The following UBR4 variants were observed in gnomAD, a reference collection of about 807,000 sequenced individuals.
UBR4 encodes ubiquitin protein ligase E3 component n-recognin 4.
In UBR4, 124 loss-of-function variants were observed where a neutral mutation model predicts 575.6. That is an observed-to-expected ratio of 0.22 (90% CI 0.19 to 0.25). UBR4 has a LOEUF of 0.25. Among genes scored for constraint, UBR4 ranks in the 10% least tolerant of loss-of-function variants. The pLI is 1.00. For synonymous variants in UBR4, 2,455 were observed against 2,473.7 expected (o/e 0.99, Z 0.22); for missense variants, 4,818 against 6,478.8 (o/e 0.74, Z 8.80).
At chr1:19,131,075 A>AT (rs1170100262) in intron 60 of UBR4, among the ~76,000 whole-genome samples, 1 of 151,722 alleles carries the variant, frequency 6.6e-6, no homozygotes, top group Non-Finnish European at 1.5e-5. Flanking sequence ...TGCCAGGCTA[A>AT]TTTTTTTATT....
chr1:19,143,261 AG>A (rs2084292707), intron 55 of UBR4, among the ~76,000 whole-genome samples: 2 of 35,804 alleles, frequency 5.6e-5, no homozygotes, highest in African/African-American at 1.9e-4. Context: ...GAAGGAAGGA[AG>A]AAAGAAAGAA....
intron 8 of UBR4, among the ~76,000 whole-genome samples, chr1:19,195,112 A>C (rs984839200): frequency 4.6e-5 from 7 of 151,386 alleles, no homozygotes; most frequent in Non-Finnish European, 7.4e-5. Flanking sequence ...TACAAAAAAA[A>C]AAATTAGCCG....
chr1:19,101,538 G>T lies in UBR4; in HGVS notation c.13005C>A (p.Leu4335=). 6.2e-7 allele frequency: 1 copy of T among 1,613,686 alleles called. No homozygotes were observed. ...YRTPVFIFER[L]CSIIYPEENE... ...TGCTTACAGGATAAATGATGCTGCA[G>T]AGCCTCTCGAAGATGAACACCGGGG... is the stretch of plus-strand genomic sequence containing the variant. Residue 4335 remains leucine (L), a synonymous_variant, in exon 88 of 106, where the codon CTC becomes CTA. Transcript: ENST00000375254.
chr1:19,129,110 G>A (rs2082137823), intron 60 of UBR4, 36 bp from the exon 61 acceptor site: 4 of 1,578,176 alleles, frequency 2.5e-6, no homozygotes, highest in Non-Finnish European at 1.7e-6. Context: ...AATATGAGCT[G>A]TACTCCAACA....
At position 19,086,808 on chromosome 1, in the gene UBR4, A is replaced by T; in HGVS notation, c.14558T>A (p.Leu4853Gln). 1 of 1,614,222 alleles carries T rather than the reference A, an allele frequency of 6.2e-7. No homozygotes were observed. The highest frequency in any genetic ancestry group is 8.5e-7 in the Non-Finnish European group (1 of 1,180,018). The change falls in exon 100 of 106, where the codon CTG becomes CAG. Residue 4853 changes from leucine to glutamine, a missense_variant. Physicochemically the swap from Leu to Gln is moderately radical, Grantham distance 113 (BLOSUM62 -2). This residue lies in a region of UBR4 where 196 missense variants were observed against 386.8 expected (regional missense o/e 0.51). Coordinates refer to ENST00000375254, the MANE Select transcript of UBR4 (RefSeq NM_020765.3). Reference protein sequence around the residue: ...EGYKFQPTKVLGIYTFTKRVA... With the variant: ...EGYKFQPTKVQGIYTFTKRVA... ...CCGCTTCGTGAAGGTATAAATGCCC[A>T]GGACCTTTGTGGGCTGCAAAGACGA... is the stretch of plus-strand genomic sequence containing the variant.
chr1:19,209,935 GC>G, intron 1 of UBR4, 137 bp downstream of exon 1: 1 of 1,336,632 alleles, frequency 7.5e-7, no homozygotes, highest in East Asian at 3.1e-5. Context: ...GTCTCCCCGG[GC>G]CCGGGACCCC....
chr1:19,124,390 T>C, intron 65 of UBR4, 151 bp downstream of exon 65: 14 of 981,734 alleles, frequency 1.4e-5, no homozygotes, highest in Middle Eastern at 3.3e-4. Flanking sequence ...CCACACAGTA[T>C]GTTCCAGAAG....
intron 22 of UBR4, among the ~76,000 whole-genome samples, chr1:19,173,953 T>C (rs1477461426): frequency 6.6e-6 from 1 of 152,204 alleles, no homozygotes; most frequent in Non-Finnish European, 1.5e-5. Flanking sequence ...CAATCAGCTA[T>C]CCGTTTTTGT....
At chr1:19,133,407 A>G (rs1306855162) in intron 60 of UBR4, among the ~76,000 whole-genome samples, 1 of 152,228 alleles carries the variant, frequency 6.6e-6, no homozygotes, top group Non-Finnish European at 1.5e-5. Context: ...TCTGATAAAT[A>G]TCCATAAAAA....
Position 19,188,554 on chromosome 1 carries a change from A to C in UBR4, c.1395-1014T>G, listed in dbSNP as rs538291676. Among the ~76,000 whole-genome samples, 9 of 152,324 alleles carry C rather than the reference A, an allele frequency of 5.9e-5. No individual in the cohort carries two copies. In the East Asian group the frequency reaches 1.7e-3, roughly 29 times the overall value. On this transcript the variant is annotated intron_variant, in intron 11 of 105. Transcript: ENST00000375254. ...GGGCGATAGAGTGAGGTTTTGTTTAAAACAAAAGAGAGAAAAGAAAATTAC... is the reference window on the plus strand; with the variant it reads ...GGGCGATAGAGTGAGGTTTTGTTTACAACAAAAGAGAGAAAAGAAAATTAC...
rs766838647 is a variant in UBR4 at position 19,101,559 on chromosome 1, C to T, written c.12984G>A (p.Pro4328=). 1.5e-4 allele frequency: 234 copies of T among 1,613,740 alleles called. No individual in the cohort carries two copies. The highest frequency in any genetic ancestry group is 1.5e-4 in the Non-Finnish European group (174 of 1,179,790). ...KRYNLDDYRT[P]VFIFERLCSI... The stretch of plus-strand genomic sequence containing the variant: ...TGCAGAGCCTCTCGAAGATGAACAC[C>T]GGGGTCCGGTAGTCATCCAGATTGT... The change falls in exon 88 of 106, where the codon CCG becomes CCA. Residue 4328 remains proline, a synonymous_variant. Transcript: ENST00000375254.
Position 19,163,798 on chromosome 1 carries a change from A to G in UBR4, c.4730T>C (p.Val1577Ala), listed in dbSNP as rs2087802155. The change falls in exon 34 of 106, where the codon GTT becomes GCT. Residue 1577 changes from valine to alanine, a missense_variant. Coordinates refer to ENST00000375254, the MANE Select transcript of UBR4 (RefSeq NM_020765.3). ...CATTACATTGGCATTCAGTTTTTCA[A>G]CTACATTCTTCTGTGACAGGTATTT... ...CKKYLSQKNV[V>A]EKLNANVMHG... The G allele has an allele frequency of 1.2e-6, 2 of 1,614,132 alleles. No homozygotes were observed. The highest frequency in any genetic ancestry group is 1.7e-5 in the Admixed American group (1 of 60,010).
intron 49 of UBR4, chr1:19,149,925 AGGAGG>A: frequency 3.4e-6 from 2 of 581,576 alleles, no homozygotes; most frequent in Non-Finnish European, 5.3e-6. Flanking sequence ...GAAGGGAGGG[AGGAGG>A]CTGGTGGTGG....
intron 40 of UBR4, 74 bp from the exon 41 acceptor site, chr1:19,156,999 CTT>C (rs1198699702): frequency 6.6e-7 from 1 of 1,520,994 alleles, no homozygotes; most frequent in Non-Finnish European, 8.9e-7. Context: ...AACAAAAACT[CTT>C]TCAATAGGGA....
intron 90 of UBR4, among the ~76,000 whole-genome samples, chr1:19,098,091 A>C (rs1049072710): frequency 6.6e-5 from 10 of 152,250 alleles, no homozygotes; most frequent in African/African-American, 2.2e-4. Flanking sequence ...ATTTGGTAGC[A>C]CGCTAATTCA....
At chr1:19,081,893 A>G in intron 102 of UBR4, 1 of 621,860 alleles carries the variant, frequency 1.6e-6, no homozygotes, top group South Asian at 2.0e-5. Context: ...CAATCTCCCC[A>G]ACATGGAACT....
Position 19,074,719 on chromosome 1 carries a change from G to A in UBR4, c.*113C>T. On this transcript the variant is annotated 3_prime_UTR_variant, in exon 106 of 106. Coordinates refer to ENST00000375254, the MANE Select transcript of UBR4 (RefSeq NM_020765.3). ...ACACCAAGAAAAATGAGAGAGGGGA[G>A]GGCGGGGTAACAATGCAGCATCCCG... The A allele has an allele frequency of 8.3e-7, 1 of 1,209,936 alleles. No homozygotes were observed. The highest frequency in any genetic ancestry group is 1.2e-6 in the Non-Finnish European group (1 of 838,424). The allele number at this position is 1,209,936 out of a possible 1,614,324, so 75.0% of individuals were successfully genotyped here.
intron 77 of UBR4, 78 bp from the exon 78 acceptor site, chr1:19,112,945 CT>C: frequency 1.4e-6 from 2 of 1,465,954 alleles, no homozygotes; most frequent in Non-Finnish European, 1.8e-6. Flanking sequence ...ATTAGTTTTG[CT>C]TTAGAAAAAA....
In UBR4 at chr1:19,187,497, C is replaced by T; in HGVS notation, c.1438G>A (p.Ala480Thr). Residue 480 changes from alanine to threonine, a missense_variant, in exon 12 of 106, where the codon GCC (alanine) becomes ACC (threonine). Around this residue, in one of 29 missense-constraint regions of UBR4, gnomAD observed 162 missense variants for 216.4 expected, o/e 0.75. Coordinates refer to ENST00000375254, the MANE Select transcript of UBR4 (RefSeq NM_020765.3). ...GVLSVILANH[A>T]IKLLTSLFQD... ...AAGAGAGACGTTAGCAGTTTGATGG[C>T]ATGGTTTGCCAATATTACTGAGAGT... is the stretch of plus-strand genomic sequence containing the variant. The T allele has an allele frequency of 6.2e-7, 1 of 1,613,832 alleles. No individual in the cohort carries two copies. Among genetic ancestry groups the T allele is most frequent in the Non-Finnish European group, 8.5e-7 (1 of 1,180,004 alleles).
Sources: allele counts gnomAD v4.1 joint callset (sites outside exome capture counted in the v4.1 genomes callset), GRCh38; gene constraint gnomAD v4.1.1; regional missense constraint gnomAD v4.1.1; transcripts MANE v1.5; gene names NCBI Gene and HGNC (gene_info 2026-07-23, HGNC 2026-07-21).